Variants in PI4KA observed in about 807,000 individuals in gnomAD.
PI4KA encodes the protein PI4-kinase alpha.
In PI4KA, 122 loss-of-function variants were observed where a neutral mutation model predicts 271.4. The observed-to-expected ratio is 0.45, with a 90% CI of 0.39 to 0.52. The LOEUF (loss-of-function observed/expected upper bound fraction) is 0.52. Ranked by LOEUF, PI4KA falls within the 20% of genes least tolerant of loss-of-function variation. The pLI is 0.00. For synonymous variants in PI4KA, 1,041 were observed against 1,078.8 expected (o/e 0.96, Z 0.69); for missense variants, 1,969 against 2,769.1 (o/e 0.71, Z 6.48).
intron 36 of PI4KA, among the ~76,000 whole-genome samples, chr22:20,731,705 A>C (rs5760224): frequency 6.6e-6 from 1 of 152,100 alleles, no homozygotes; most frequent in Non-Finnish European, 1.5e-5. Flanking sequence ...CGAGGTGGGC[A>C]GATCACGAGG....
At chr22:20,749,752 C>T (rs1035298968) in intron 28 of PI4KA, among the ~76,000 whole-genome samples, 153 bp downstream of exon 28, 3 of 152,280 alleles carry the variant, frequency 2.0e-5, no homozygotes, top group Non-Finnish European at 4.4e-5. Context: ...AGAGCAGCCT[C>T]TGAGGCATCT....
At chr22:20,718,162 C>A (rs147928854) in intron 44 of PI4KA, among the ~76,000 whole-genome samples, 65 of 152,324 alleles carry the variant, frequency 4.3e-4, no homozygotes, top group Middle Eastern at 3.4e-3. Flanking sequence ...TCAAAGTGAC[C>A]AAGGTCAGAG....
rs1328754497 is a variant in PI4KA at position 20,764,961 on chromosome 22, A to G, written c.2575-11T>C. The G allele has an allele frequency of 2.5e-6, 4 of 1,599,912 alleles. No individual in the cohort carries two copies. The highest frequency in any genetic ancestry group is 2.2e-5 in the East Asian group (1 of 44,564). On this transcript the variant is annotated splice_polypyrimidine_tract_variant and intron_variant, in intron 21 of 54. Coordinates refer to ENST00000255882, the MANE Select transcript of PI4KA (RefSeq NM_058004.4). ...CTCACTCAGCTCAGCCTGGAGGGAG[A>G]GAAACATCCGAGGGCTCATGGGGCA...
chr22:20,806,499 A>G (rs1326198596), intron 10 of PI4KA, among the ~76,000 whole-genome samples: 1 of 151,866 alleles, frequency 6.6e-6, no homozygotes, highest in East Asian at 2.0e-4. Context: ...GTAAAACCCC[A>G]TCTCTACTAA....
chr22:20,719,649 A>T (rs1041060935), intron 43 of PI4KA, among the ~76,000 whole-genome samples: 59 of 152,118 alleles, frequency 3.9e-4, no homozygotes, highest in African/African-American at 1.3e-3. Flanking sequence ...AAATGAACAA[A>T]AAATAAATCT....
intron 39 of PI4KA, 66 bp from the exon 40 acceptor site, chr22:20,727,930 G>T: frequency 8.7e-7 from 1 of 1,147,986 alleles, no homozygotes; most frequent in Non-Finnish European, 1.3e-6. Context: ...CCACCACACT[G>T]GAGTGAGGGG....
intron 2 of PI4KA, 40 bp downstream of exon 2, chr22:20,838,575 C>T (rs1925170336): frequency 3.4e-6 from 4 of 1,192,506 alleles, no homozygotes; most frequent in Non-Finnish European, 5.0e-6. Flanking sequence ...ACTACACCCC[C>T]TTTTACAATG....
At chr22:20,779,910 A>C (rs748983623) in intron 19 of PI4KA, 1 of 1,614,222 alleles carries the variant, frequency 6.2e-7, no homozygotes, top group East Asian at 2.2e-5. Context: ...GACCATTCAT[A>C]ATCTCTTCCG....
intron 8 of PI4KA, among the ~76,000 whole-genome samples, chr22:20,811,622 A>T (rs992271237): frequency 6.6e-6 from 1 of 151,962 alleles, no homozygotes; most frequent in African/African-American, 2.4e-5. Flanking sequence ...AAAAAAAAAA[A>T]ACTGCCCACA....
At position 20,749,061 on chromosome 22, in the gene PI4KA, C is replaced by T. The variant is rs1930403452; in HGVS notation, c.3243+844G>A. On this transcript the variant is annotated intron_variant, in intron 28 of 54. Transcript: ENST00000255882. ...TTTTTGTCCACTTAAACTTTCTAGG[C>T]ATTAGAGGGGGCCTCCCCTCTTCAG... 2.0e-5 allele frequency among the ~76,000 whole-genome samples: 3 copies of T among 152,194 alleles called. No individual in the cohort carries two copies. In the South Asian group the frequency reaches 6.2e-4, roughly 31 times the overall value.
At chr22:20,740,594 C>T (rs1045390612) in intron 32 of PI4KA, among the ~76,000 whole-genome samples, 1 of 151,942 alleles carries the variant, frequency 6.6e-6, no homozygotes, top group African/African-American at 2.4e-5. Flanking sequence ...CACACACAGT[C>T]AAACAACTAA....
intron 19 of PI4KA, chr22:20,780,104 C>T: frequency 6.2e-7 from 1 of 1,614,178 alleles, no homozygotes; most frequent in Non-Finnish European, 8.5e-7. Flanking sequence ...AAACCAACAA[C>T]CACATCATGA....
At chr22:20,822,981 T>G (rs1922910208) in intron 4 of PI4KA, among the ~76,000 whole-genome samples, 1 of 152,224 alleles carries the variant, frequency 6.6e-6, no homozygotes, top group African/African-American at 2.4e-5. Context: ...TGGCATGATC[T>G]CAGCTCACTG....
chr22:20,847,767 A>C (rs1926452481), intron 1 of PI4KA, among the ~76,000 whole-genome samples: 1 of 151,490 alleles, frequency 6.6e-6, no homozygotes, highest in Non-Finnish European at 1.5e-5. Context: ...AAAAAAAAAC[A>C]AAAAAAACCA....
Position 20,838,657 on chromosome 22 carries a change from T to G in PI4KA, c.231A>C (p.Ala77=), listed in dbSNP as rs1366526239. The change falls in exon 2 of 55, where the codon GCA becomes GCC. Residue 77 remains alanine, a synonymous_variant. Transcript: ENST00000255882. ...TCAGAAAAATGCCCAATGCAATCAC[T>G]GCATCTCTCCGTCTTTCATCTAACT... ...IFQLDERRRD[A]VIALGIFLIE... 1 of 1,612,666 alleles carries G rather than the reference T, an allele frequency of 6.2e-7. No homozygotes were observed. Among genetic ancestry groups the G allele is most frequent in the South Asian group, 1.1e-5 (1 of 91,058 alleles).
intron 42 of PI4KA, among the ~76,000 whole-genome samples, chr22:20,722,603 C>T (rs1489298992): frequency 2.6e-5 from 4 of 152,196 alleles, no homozygotes; most frequent in Admixed American, 6.5e-5. Flanking sequence ...AGTAGTAACT[C>T]CAGTTTTTCT....
intron 43 of PI4KA, among the ~76,000 whole-genome samples, chr22:20,720,848 C>T (rs1210299559): frequency 6.6e-6 from 1 of 152,184 alleles, no homozygotes. Context: ...GAAATTCTGT[C>T]TTAATCTCTA....
chr22:20,759,191 C>T (rs1444267805), intron 23 of PI4KA, among the ~76,000 whole-genome samples: 4 of 152,050 alleles, frequency 2.6e-5, no homozygotes, highest in Admixed American at 6.6e-5. Context: ...GGACGACAGG[C>T]ATGTTCCACC....
chr22:20,849,191 A>G (rs1926648574), intron 1 of PI4KA, among the ~76,000 whole-genome samples: 1 of 152,200 alleles, frequency 6.6e-6, no homozygotes, highest in African/African-American at 2.4e-5. Flanking sequence ...AAAGACAGAC[A>G]ATACAGAGTG....
Sources: gnomAD v4.1 joint callset for allele counts (sites outside exome capture counted in the v4.1 genomes callset) on GRCh38, gnomAD v4.1.1 for gene constraint, MANE v1.5 for transcripts, NCBI Gene and HGNC (gene_info 2026-07-23, HGNC 2026-07-21) for gene names.